RALGPS2: variants seen among roughly 807,000 people sequenced by gnomAD.
RALGPS2 encodes the protein ras-specific guanine nucleotide-releasing factor RalGPS2.
In RALGPS2, 43 loss-of-function variants were observed where a neutral mutation model predicts 86.8. The ratio of observed to expected loss-of-function variants is 0.50; its 90% CI spans 0.39 to 0.64. The LOEUF (loss-of-function observed/expected upper bound fraction) is 0.64. RALGPS2 is among the 30% of genes least tolerant of loss of function. The pLI, the probability that RALGPS2 is intolerant of heterozygous loss-of-function variation, is 0.00. For synonymous variants in RALGPS2, 243 were observed against 231.3 expected (o/e 1.05, Z -0.46); for missense variants, 536 against 694.6 (o/e 0.77, Z 2.57).
In RALGPS2 at chr1:178,821,676, C is replaced by T; in HGVS notation, c.452C>T (p.Pro151Leu). 1 of 1,613,022 alleles carries T rather than the reference C, an allele frequency of 6.2e-7. No individual in the cohort carries two copies. Among genetic ancestry groups the T allele is most frequent in the Non-Finnish European group, 8.5e-7 (1 of 1,179,342 alleles). The change falls in exon 7 of 20, where the codon CCA (proline) becomes CTA (leucine). Residue 151 changes from proline to leucine, a missense_variant. Physicochemically the swap from Pro to Leu is moderately conservative, Grantham distance 98. This residue lies in a region of RALGPS2 where 184 missense variants were observed against 296.7 expected (regional missense o/e 0.62). Coordinates refer to ENST00000367635, the MANE Select transcript of RALGPS2 (RefSeq NM_152663.5). ...MAVVSGLQSAPIFRLTKTWAL... is the reference protein window; with the variant it reads ...MAVVSGLQSALIFRLTKTWAL... ...GTGGTTTCTGGCCTACAGAGTGCCC[C>T]AATTTTCAGGTTGACTAAAACATGG...
chr1:178,884,410 A>G (rs901570969), intron 11 of RALGPS2, among the ~76,000 whole-genome samples: 3 of 152,184 alleles, frequency 2.0e-5, no homozygotes, highest in South Asian at 2.1e-4. Context: ...AATTCCCAAT[A>G]TAGGCCTTCG....
chr1:178,838,332 G>C (rs961485689), intron 8 of RALGPS2, among the ~76,000 whole-genome samples: 2 of 152,204 alleles, frequency 1.3e-5, no homozygotes, highest in African/African-American at 4.8e-5. Context: ...GAAGCTTCTA[G>C]AGGAACAATC....
intron 14 of RALGPS2, among the ~76,000 whole-genome samples, chr1:178,891,616 TTAAC>T (rs1299630857): frequency 6.6e-6 from 1 of 152,126 alleles, no homozygotes; most frequent in Non-Finnish European, 1.5e-5. Context: ...TTTTTTGTTT[TTAAC>T]TATTATGTGC....
rs1387391827 is a variant in RALGPS2, at chr1:178,753,982, C to T, written c.-83-22700C>T. Among the ~76,000 whole-genome samples the T allele has an allele frequency of 6.6e-5, 10 of 152,136 alleles. No individual in the cohort carries two copies. The East Asian group carries it at 1.2e-3, about 18-fold the overall frequency. Reference sequence around the variant, plus strand: ...GAGTAGTTGGGACTACAGGCGCCCGCCACCACGCCCGGCTAATTTTTAATA... The same window carrying T: ...GAGTAGTTGGGACTACAGGCGCCCGTCACCACGCCCGGCTAATTTTTAATA... On this transcript the variant is annotated intron_variant, in intron 1 of 19. Transcript: ENST00000367635.
chr1:178,889,042 T>A (rs925564322), intron 13 of RALGPS2, among the ~76,000 whole-genome samples: 1 of 152,118 alleles, frequency 6.6e-6, no homozygotes, highest in African/African-American at 2.4e-5. Context: ...TTGTTGGTTT[T>A]TTTTCCCCCT....
intron 19 of RALGPS2, among the ~76,000 whole-genome samples, chr1:178,909,643 ATTTTTTTTTT>A (rs57890269): frequency 6.9e-5 from 5 of 72,384 alleles, no homozygotes; most frequent in Admixed American, 1.8e-4. Flanking sequence ...TTCTTTTTTA[ATTTTTTTTTT>A]TTTTTTTTTT....
intron 8 of RALGPS2, among the ~76,000 whole-genome samples, chr1:178,844,947 AGG>A (rs1227883465): frequency 1.3e-5 from 2 of 152,116 alleles, no homozygotes; most frequent in Admixed American, 1.3e-4. Flanking sequence ...TGGGAGGCTG[AGG>A]CAGGTGGATC....
rs989740826 is a variant in RALGPS2 at position 178,817,324 on chromosome 1, G to A, written c.388-4288G>A. On this transcript the variant is annotated intron_variant, in intron 6 of 19. Coordinates refer to ENST00000367635, the MANE Select transcript of RALGPS2 (RefSeq NM_152663.5). Reference sequence around the variant, plus strand: ...CACGCCACTGCACTCCAGCCTGGGCGACAGAGACTCTGTCTCAATTTAAAA... The same window carrying A: ...CACGCCACTGCACTCCAGCCTGGGCAACAGAGACTCTGTCTCAATTTAAAA... Among the ~76,000 whole-genome samples, 10 of 144,874 alleles carry A rather than the reference G, an allele frequency of 6.9e-5. No individual in the cohort carries two copies. The East Asian group carries it at 1.2e-3, about 18-fold the overall frequency.
chr1:178,857,033 T>C (rs919728653), intron 8 of RALGPS2, among the ~76,000 whole-genome samples: 12 of 152,194 alleles, frequency 7.9e-5, no homozygotes, highest in Non-Finnish European at 2.9e-5. Context: ...CTTCACATTA[T>C]AGAAACATGC....
chr1:178,878,753 A>T, intron 9 of RALGPS2, 149 bp from the exon 10 acceptor site: 1 of 1,057,628 alleles, frequency 9.5e-7, no homozygotes, highest in Non-Finnish European at 1.3e-6. Context: ...GATTCACATT[A>T]AAGTTTATCT....
intron 8 of RALGPS2, among the ~76,000 whole-genome samples, chr1:178,837,297 A>G (rs933655130): frequency 3.9e-5 from 6 of 152,182 alleles, no homozygotes; most frequent in African/African-American, 1.2e-4. Flanking sequence ...AGAAAAATCT[A>G]CAGGTATCTC....
intron 1 of RALGPS2, among the ~76,000 whole-genome samples, chr1:178,746,055 C>T (rs769514304): frequency 1.1e-4 from 17 of 151,980 alleles, no homozygotes; most frequent in Non-Finnish European, 1.8e-4. Context: ...CTCCTGACCT[C>T]AGGTGATCCA....
At chr1:178,753,404 C>T (rs932764526) in intron 1 of RALGPS2, among the ~76,000 whole-genome samples, 3 of 152,112 alleles carry the variant, frequency 2.0e-5, no homozygotes, top group Non-Finnish European at 2.9e-5. Flanking sequence ...GTTTGAAATG[C>T]ACCCTAAGTT....
intron 15 of RALGPS2, among the ~76,000 whole-genome samples, chr1:178,893,347 A>T: frequency 6.6e-6 from 1 of 151,668 alleles, no homozygotes; most frequent in East Asian, 1.9e-4. Flanking sequence ...CATTGACACC[A>T]TTTAAATGTT....
At chr1:178,883,784 G>C (rs1411880423) in intron 11 of RALGPS2, among the ~76,000 whole-genome samples, 3 of 152,136 alleles carry the variant, frequency 2.0e-5, no homozygotes, top group African/African-American at 7.2e-5. Context: ...AGGAGATCAA[G>C]ACCATCCTGG....
In RALGPS2 at chr1:178,916,494, C is replaced by CA. The variant is rs1660821504; in HGVS notation, c.*141dup. 1.4e-6 allele frequency: 1 copy of CA among 724,638 alleles called. No homozygotes were observed. Among genetic ancestry groups the CA allele is most frequent in the Non-Finnish European group, 2.2e-6 (1 of 459,740 alleles). The allele number at this position is 724,638 out of a possible 1,614,324, so 44.9% of individuals were successfully genotyped here. ...TGTCTCAGTCGTTGGAGTTCTCAAC[C>CA]AAAAAAGCACTAATTTCAGGGAATG... On this transcript the variant is annotated 3_prime_UTR_variant, in exon 20 of 20. Transcript: ENST00000367635.
intron 8 of RALGPS2, among the ~76,000 whole-genome samples, chr1:178,874,654 T>C (rs1055542449): frequency 6.6e-6 from 1 of 152,368 alleles, no homozygotes; most frequent in East Asian, 1.9e-4. Flanking sequence ...CTGTTATTGA[T>C]GTACATATGC....
At chr1:178,742,808 A>T (rs887750267) in intron 1 of RALGPS2, among the ~76,000 whole-genome samples, 3 of 152,234 alleles carry the variant, frequency 2.0e-5, no homozygotes, top group Admixed American at 2.0e-4. Flanking sequence ...AATGGGGGAA[A>T]ATCTGGTCTT....
In RALGPS2 at chr1:178,800,624, T is replaced by C. The variant is rs186994414; in HGVS notation, c.214-7421T>C. 1.4e-4 allele frequency among the ~76,000 whole-genome samples: 21 copies of C among 152,294 alleles called. No homozygotes were observed. The East Asian group carries it at 3.9e-3, about 28-fold the overall frequency. On this transcript the variant is annotated intron_variant, in intron 4 of 19. Transcript: ENST00000367635. ...TACAAAATACATGTTAATCACCTGTTGATGTTATGAGTAAGGCTGGTCAGC... is the reference window on the plus strand; with the variant it reads ...TACAAAATACATGTTAATCACCTGTCGATGTTATGAGTAAGGCTGGTCAGC...
Sources: gnomAD v4.1 joint callset for allele counts (sites outside exome capture counted in the v4.1 genomes callset) on GRCh38, gnomAD v4.1.1 for gene constraint, gnomAD v4.1.1 regional missense constraint, MANE v1.5 for transcripts, NCBI Gene and HGNC (gene_info 2026-07-23, HGNC 2026-07-21) for gene names.